Variants in WDR59 observed in about 807,000 individuals in gnomAD.
The protein encoded by WDR59 is WD repeat domain 59, also known as GATOR2 complex protein WDR59.
In WDR59, 100 loss-of-function variants were observed where a neutral mutation model predicts 131.2. The observed-to-expected ratio is 0.76, with a 90% CI of 0.65 to 0.90. The LOEUF (loss-of-function observed/expected upper bound fraction) is 0.90. WDR59 is among the 40% of genes least tolerant of loss of function. The pLI is 0.00. For synonymous variants in WDR59, 601 were observed against 466.2 expected (o/e 1.29, Z -3.72); for missense variants, 1,203 against 1,262.2 (o/e 0.95, Z 0.71).
chr16:74,928,508 T>C (rs1378977745), intron 8 of WDR59, among the ~76,000 whole-genome samples: 3 of 151,938 alleles, frequency 2.0e-5, no homozygotes, highest in Non-Finnish European at 4.4e-5. Context: ...TATGAGCCAC[T>C]GCGCCCAGCT....
intron 8 of WDR59, among the ~76,000 whole-genome samples, chr16:74,933,561 T>G (rs1468182350): frequency 6.6e-6 from 1 of 152,190 alleles, no homozygotes; most frequent in African/African-American, 2.4e-5. Flanking sequence ...TCACTATATA[T>G]CAAGACTGCA....
chr16:74,960,514 GT>G (rs1173685858), intron 2 of WDR59, among the ~76,000 whole-genome samples: 1 of 151,934 alleles, frequency 6.6e-6, no homozygotes, highest in Non-Finnish European at 1.5e-5. Context: ...GGAGGCTGAG[GT>G]GGGTGGATCA....
chr16:74,971,380 C>G (rs767729933), intron 1 of WDR59, among the ~76,000 whole-genome samples: 5 of 147,858 alleles, frequency 3.4e-5, no homozygotes, highest in Non-Finnish European at 6.0e-5. Context: ...TACCCATACA[C>G]TTTATACTGT....
intron 2 of WDR59, among the ~76,000 whole-genome samples, chr16:74,960,390 G>A (rs1449982084): frequency 6.6e-6 from 1 of 151,776 alleles, no homozygotes; most frequent in Non-Finnish European, 1.5e-5. Context: ...GAGGCCAGAA[G>A]CAAAGTCATA....
intron 18 of WDR59, among the ~76,000 whole-genome samples, chr16:74,898,899 T>G (rs993961067): frequency 2.0e-5 from 3 of 152,210 alleles, no homozygotes; most frequent in Non-Finnish European, 4.4e-5. Flanking sequence ...CTACAAGTTG[T>G]TGGCAGCAGT....
intron 2 of WDR59, among the ~76,000 whole-genome samples, chr16:74,957,409 C>T (rs768135400): frequency 6.6e-6 from 1 of 151,992 alleles, no homozygotes; most frequent in Non-Finnish European, 1.5e-5. Context: ...TGCTTCACAT[C>T]GCCAGGCTCA....
chr16:74,906,262 T>C (rs57359079), intron 17 of WDR59, among the ~76,000 whole-genome samples: 54,049 of 132,392 alleles, frequency 0.41, 10,672 homozygotes, highest in African/African-American at 0.51. Context: ...TGCAGTGAGC[T>C]GAGATCCAGT....
At chr16:74,945,231 C>A (rs1045529643) in intron 6 of WDR59, among the ~76,000 whole-genome samples, 3 of 152,126 alleles carry the variant, frequency 2.0e-5, no homozygotes, top group Non-Finnish European at 4.4e-5. Flanking sequence ...AATGCCAGCA[C>A]TTTGGGAGGC....
chr16:74,946,062 C>T (rs2032616429), intron 6 of WDR59, among the ~76,000 whole-genome samples: 1 of 152,098 alleles, frequency 6.6e-6, no homozygotes, highest in African/African-American at 2.4e-5. Flanking sequence ...GATCCGCCCG[C>T]CTCAGCCTCC....
intron 2 of WDR59, among the ~76,000 whole-genome samples, chr16:74,963,593 G>T (rs933833480): frequency 6.6e-6 from 1 of 150,482 alleles, no homozygotes; most frequent in African/African-American, 2.5e-5. Flanking sequence ...TTGTTGGGGG[G>T]CCAGGGGGAG....
intron 6 of WDR59, among the ~76,000 whole-genome samples, 189 bp from the exon 7 acceptor site, chr16:74,943,015 G>T (rs545746296): frequency 3.7e-4 from 56 of 152,116 alleles, no homozygotes; most frequent in Non-Finnish European, 7.1e-4. Context: ...TAACACATGG[G>T]AACAGGATCA....
At chr16:74,918,725 T>C (rs1028538002) in intron 10 of WDR59, among the ~76,000 whole-genome samples, 3 of 152,198 alleles carry the variant, frequency 2.0e-5, no homozygotes, top group African/African-American at 7.2e-5. Context: ...CATGGCCACC[T>C]TCAGAGAGCA....
intron 8 of WDR59, among the ~76,000 whole-genome samples, chr16:74,933,439 C>G (rs1314812106): frequency 1.3e-5 from 2 of 151,368 alleles, no homozygotes; most frequent in Non-Finnish European, 1.5e-5. Context: ...AATACTGTTA[C>G]TTTTTGTGTT....
chr16:74,972,403 G>A (rs142335498), intron 1 of WDR59, among the ~76,000 whole-genome samples: 2 of 152,128 alleles, frequency 1.3e-5, no homozygotes, highest in Admixed American at 6.6e-5. Flanking sequence ...TGAAGCACTT[G>A]GTTTCAGCAA....
At chr16:74,909,092 T>G (rs1436480330) in intron 16 of WDR59, 115 bp from the exon 17 acceptor site, 2 of 889,088 alleles carry the variant, frequency 2.2e-6, no homozygotes, top group Non-Finnish European at 3.6e-6. Context: ...GTAAGACACA[T>G]TTTCATAAGC....
At chr16:74,973,665 T>A (rs759331391) in intron 1 of WDR59, among the ~76,000 whole-genome samples, 1 of 152,214 alleles carries the variant, frequency 6.6e-6, no homozygotes, top group Non-Finnish European at 1.5e-5. Flanking sequence ...CGCTCAGCAA[T>A]AGGGGTGTTG....
chr16:74,919,811 T>C (rs186156000), intron 10 of WDR59, among the ~76,000 whole-genome samples: 51 of 152,298 alleles, frequency 3.3e-4, no homozygotes, highest in African/African-American at 1.1e-3. Flanking sequence ...TCCTACCTCT[T>C]TGAGAAATCC....
At chr16:74,953,522 C>A (rs550832977) in intron 3 of WDR59, among the ~76,000 whole-genome samples, 416 of 144,822 alleles carry the variant, frequency 2.9e-3, no homozygotes, top group Non-Finnish European at 5.3e-3. Flanking sequence ...AAGAAAAAAA[C>A]AGATAAACTT....
At chr16:74,912,130 C>T (rs772491172) in intron 14 of WDR59, 68 bp downstream of exon 14, 2 of 1,602,516 alleles carry the variant, frequency 1.2e-6, no homozygotes, top group African/African-American at 2.7e-5. Flanking sequence ...AGTTTTCATT[C>T]TTCTTTACTA....
Sources: gnomAD v4.1 joint callset for allele counts (sites outside exome capture counted in the v4.1 genomes callset) on GRCh38, gnomAD v4.1.1 for gene constraint, MANE v1.5 for transcripts, NCBI Gene and HGNC (gene_info 2026-07-23, HGNC 2026-07-21) for gene names.